The following CFAP300 variants were observed in gnomAD, a reference collection of about 807,000 sequenced individuals.
CFAP300 encodes the protein cilia and flagella associated protein 300, also known as cilia- and flagella-associated protein 300.
CFAP300 carries 32 observed loss-of-function variants against 33.0 expected under a neutral mutation model. The ratio of observed to expected loss-of-function variants is 0.97; its 90% CI spans 0.73 to 1.30. The LOEUF (loss-of-function observed/expected upper bound fraction) is 1.30, where lower values mean the gene tolerates loss of function less well. Ranked by LOEUF, CFAP300 falls within the 50% of genes most tolerant of loss-of-function variation. CFAP300 has a pLI of 0.00. For missense variants in CFAP300, 356 were observed against 318.1 expected, an observed-to-expected ratio of 1.12 and a Z score of -0.90; for synonymous variants, 102 against 106.8, an observed-to-expected ratio of 0.95 and a Z score of 0.28.
rs781200791 is a variant in CFAP300, at chr11:102,082,233, G to A, written c.676-838G>A. Among the ~76,000 whole-genome samples the A allele has an allele frequency of 4.6e-5, 7 of 151,742 alleles. No individual in the cohort carries two copies. In the East Asian group the frequency reaches 5.8e-4, roughly 13 times the overall value. On this transcript the variant is annotated intron_variant, in intron 6 of 6. Transcript: ENST00000434758. ...CTACAAAAAATACAAAAAATTAGCCGGGTGTGGTGGGAGACGCCTGTAATC... is the reference window on the plus strand; with the variant it reads ...CTACAAAAAATACAAAAAATTAGCCAGGTGTGGTGGGAGACGCCTGTAATC...
intron 5 of CFAP300, 69 bp from the exon 6 acceptor site, chr11:102,081,146 G>C: frequency 9.1e-7 from 1 of 1,096,530 alleles, no homozygotes; most frequent in Non-Finnish European, 1.3e-6. Context: ...ATACTAAAAG[G>C]GATCATTACT....
chr11:102,078,669 ATGG>A (rs904304893), intron 5 of CFAP300, among the ~76,000 whole-genome samples: 1 of 152,158 alleles, frequency 6.6e-6, no homozygotes, highest in African/African-American at 2.4e-5. Flanking sequence ...TAATGTACAA[ATGG>A]TGGTTTCTTT....
chr11:102,057,598 A>G (rs1015848833), intron 2 of CFAP300, among the ~76,000 whole-genome samples: 1 of 152,202 alleles, frequency 6.6e-6, no homozygotes, highest in African/African-American at 2.4e-5. Flanking sequence ...CAACCATGCA[A>G]TTTGGGAGTA....
intron 2 of CFAP300, among the ~76,000 whole-genome samples, chr11:102,049,148 G>A (rs1172144056): frequency 6.6e-6 from 1 of 152,230 alleles, no homozygotes; most frequent in Admixed American, 6.5e-5. Context: ...TAGTTCTGGA[G>A]GCTAGAAGTC....
At chr11:102,080,409 ATTTG>A (rs892450200) in intron 5 of CFAP300, among the ~76,000 whole-genome samples, 4 of 151,546 alleles carry the variant, frequency 2.6e-5, no homozygotes, top group East Asian at 1.9e-4. Flanking sequence ...GTTTTTTGGG[ATTTG>A]TTTGTTTGTT....
At chr11:102,049,152 A>G (rs1021966157) in intron 2 of CFAP300, among the ~76,000 whole-genome samples, 53 of 152,252 alleles carry the variant, frequency 3.5e-4, no homozygotes, top group African/African-American at 1.3e-3. Flanking sequence ...TCTGGAGGCT[A>G]GAAGTCTTAA....
rs1400073392 is a variant in CFAP300, at chr11:102,061,621, G to A, written c.268+2666G>A. 3.3e-5 allele frequency among the ~76,000 whole-genome samples: 5 copies of A among 152,152 alleles called. No homozygotes were observed. The East Asian group carries it at 7.7e-4, about 23-fold the overall frequency. ...TTCATTCATGAAACAATGCAAGAAAGGTAGTATTATATATCACTATTTTAC... is the reference window on the plus strand; with the variant it reads ...TTCATTCATGAAACAATGCAAGAAAAGTAGTATTATATATCACTATTTTAC... On this transcript the variant is annotated intron_variant, in intron 3 of 6. Coordinates refer to ENST00000434758, the MANE Select transcript of CFAP300 (RefSeq NM_032930.3).
intron 2 of CFAP300, among the ~76,000 whole-genome samples, chr11:102,050,633 A>C (rs1401184211): frequency 6.6e-6 from 1 of 152,210 alleles, no homozygotes; most frequent in African/African-American, 2.4e-5. Flanking sequence ...TACATACCTG[A>C]GGCATAAGGT....
rs1196185043 is a variant in CFAP300 at position 102,083,509 on chromosome 11, T to A, written c.*310T>A. On this transcript the variant is annotated 3_prime_UTR_variant, in exon 7 of 7. Coordinates refer to ENST00000434758, the MANE Select transcript of CFAP300 (RefSeq NM_032930.3). Reference sequence around the variant, plus strand: ...ATTCAAGTGAATCCTCAATTTTCCATGTATTTTAATTTATAAGCTAATTAA... The same window carrying A: ...ATTCAAGTGAATCCTCAATTTTCCAAGTATTTTAATTTATAAGCTAATTAA... 5.8e-6 allele frequency: 1 copy of A among 171,076 alleles called. No individual in the cohort carries two copies. The highest frequency in any genetic ancestry group is 2.4e-5 in the African/African-American group (1 of 42,280). The allele number at this position is 171,076 out of a possible 1,614,324, so 10.6% of individuals were successfully genotyped here.
chr11:102,062,366 G>A (rs1311040709), intron 3 of CFAP300, among the ~76,000 whole-genome samples: 1 of 152,190 alleles, frequency 6.6e-6, no homozygotes. Context: ...TAAGAATGTG[G>A]AAGTGGCTTT....
At chr11:102,075,527 G>T (rs1565397194) in intron 4 of CFAP300, among the ~76,000 whole-genome samples, 1 of 152,216 alleles carries the variant, frequency 6.6e-6, no homozygotes, top group Non-Finnish European at 1.5e-5. Context: ...GGATGGAGAA[G>T]TGTCCTCATT....
At chr11:102,060,040 C>T (rs1306842977) in intron 3 of CFAP300, among the ~76,000 whole-genome samples, 1 of 152,056 alleles carries the variant, frequency 6.6e-6, no homozygotes, top group African/African-American at 2.4e-5. Flanking sequence ...GGTGTGATCT[C>T]AGCTCACTGC....
chr11:102,066,523 T>G lies in CFAP300; in HGVS notation c.307T>G (p.Cys103Gly). Residue 103 changes from cysteine (C) to glycine (G), a missense_variant, in exon 4 of 7, where the codon TGC becomes GGC. Cys to Gly is a radical substitution (Grantham distance 159). Coordinates refer to ENST00000434758, the MANE Select transcript of CFAP300 (RefSeq NM_032930.3). ...AAAAATTGAAGCTATAAATGTTCCT[T>G]GCACACAGCTTTCAATGTCATTTTT... ...VKKIEAINVPCTQLSMSFFHR... is the reference protein window; with the variant it reads ...VKKIEAINVPGTQLSMSFFHR... 6.2e-7 allele frequency: 1 copy of G among 1,610,924 alleles called. No individual in the cohort carries two copies. The highest frequency in any genetic ancestry group is 8.5e-7 in the Non-Finnish European group (1 of 1,179,086).
At chr11:102,066,769 A>G in intron 4 of CFAP300, 118 bp downstream of exon 4, 1 of 783,242 alleles carries the variant, frequency 1.3e-6, no homozygotes, top group Non-Finnish European at 2.0e-6. Flanking sequence ...ACCTATTTAT[A>G]AGTAATGATC....
chr11:102,073,317 GT>G (rs1289050732), intron 4 of CFAP300, among the ~76,000 whole-genome samples: 1 of 152,188 alleles, frequency 6.6e-6, no homozygotes, highest in Non-Finnish European at 1.5e-5. Flanking sequence ...GCAAGTATGG[GT>G]GGGTTCCAGC....
At chr11:102,069,482 T>A (rs1942277540) in intron 4 of CFAP300, among the ~76,000 whole-genome samples, 1 of 152,112 alleles carries the variant, frequency 6.6e-6, no homozygotes, top group African/African-American at 2.4e-5. Flanking sequence ...TTCCAAAAAA[T>A]TTTTAAAAAT....
chr11:102,075,749 G>A (rs1942385697), intron 4 of CFAP300, 124 bp from the exon 5 acceptor site: 1 of 682,444 alleles, frequency 1.5e-6, no homozygotes, highest in Non-Finnish European at 2.4e-6. Context: ...ACTCTCTTCA[G>A]TTGACTCAAG....
At chr11:102,057,061 G>A (rs999004977) in intron 2 of CFAP300, among the ~76,000 whole-genome samples, 4 of 151,986 alleles carry the variant, frequency 2.6e-5, no homozygotes, top group African/African-American at 7.3e-5. Context: ...AGCTAGCCTG[G>A]GTGCGGTGAC....
intron 2 of CFAP300, among the ~76,000 whole-genome samples, chr11:102,058,305 T>C (rs1356810008): frequency 6.6e-6 from 1 of 151,900 alleles, no homozygotes; most frequent in African/African-American, 2.4e-5. Context: ...TCTTATTTCA[T>C]GTCAGACTGA....
Sources: gnomAD v4.1 joint callset for allele counts (sites outside exome capture counted in the v4.1 genomes callset) on GRCh38, gnomAD v4.1.1 for gene constraint, MANE v1.5 for transcripts, NCBI Gene and HGNC (gene_info 2026-07-23, HGNC 2026-07-21) for gene names.